Variants in EXOC4 observed in about 807,000 individuals in gnomAD.
The protein encoded by EXOC4 is SEC8-like 1.
Under a neutral mutation model 107.2 loss-of-function variants are expected in EXOC4, and 71 were observed. The ratio of observed to expected loss-of-function variants is 0.66; its 90% CI spans 0.55 to 0.81. EXOC4 has a LOEUF of 0.81. EXOC4 is among the 30% of genes least tolerant of loss of function. The pLI is 0.00. For missense variants in EXOC4, 1,108 were observed against 1,189.6 expected (o/e 0.93, Z 1.01); for synonymous variants, 456 against 441.2 (o/e 1.03, Z -0.42).
At chr7:133,888,573 A>T (rs1428579555) in intron 11 of EXOC4, among the ~76,000 whole-genome samples, 1 of 152,226 alleles carries the variant, frequency 6.6e-6, no homozygotes, top group Non-Finnish European at 1.5e-5. Context: ...TTCAGATATA[A>T]CACTGATTTG....
At chr7:133,833,899 G>C (rs1797863895) in intron 11 of EXOC4, among the ~76,000 whole-genome samples, 1 of 152,128 alleles carries the variant, frequency 6.6e-6, no homozygotes, top group Non-Finnish European at 1.5e-5. Context: ...GGCTGATTCA[G>C]CTGGGCCAGT....
intron 14 of EXOC4, among the ~76,000 whole-genome samples, chr7:133,956,120 A>G (rs1250781311): frequency 2.0e-5 from 3 of 151,978 alleles, no homozygotes; most frequent in African/African-American, 4.8e-5. Flanking sequence ...TTTAGACACT[A>G]TTGTCTCCAA....
intron 9 of EXOC4, among the ~76,000 whole-genome samples, chr7:133,511,968 A>C (rs1228317304): frequency 6.6e-6 from 1 of 152,198 alleles, no homozygotes; most frequent in African/African-American, 2.4e-5. Flanking sequence ...ACAGCGCAGC[A>C]TTCTTACTTT....
At chr7:133,467,432 CT>C (rs1037117889) in intron 7 of EXOC4, among the ~76,000 whole-genome samples, 22 of 152,072 alleles carry the variant, frequency 1.4e-4, no homozygotes, top group African/African-American at 1.9e-4. Context: ...ATTTTTGCCC[CT>C]AATCCCATTT....
intron 9 of EXOC4, among the ~76,000 whole-genome samples, chr7:133,574,126 T>G (rs1018509498): frequency 6.6e-6 from 1 of 152,208 alleles, no homozygotes; most frequent in Non-Finnish European, 1.5e-5. Context: ...ATGACTGATA[T>G]CTGATGTAAG....
chr7:133,838,050 A>T (rs1024157907), intron 11 of EXOC4, among the ~76,000 whole-genome samples: 7 of 152,164 alleles, frequency 4.6e-5, no homozygotes, highest in African/African-American at 1.7e-4. Context: ...ATTTTATAAC[A>T]TGTTTATTTT....
At chr7:133,517,022 T>G (rs1203044862) in intron 9 of EXOC4, among the ~76,000 whole-genome samples, 2 of 152,062 alleles carry the variant, frequency 1.3e-5, no homozygotes, top group Admixed American at 1.3e-4. Context: ...GGGACATAAG[T>G]ATGCCATAAC....
At chr7:133,755,110 T>C (rs1795870553) in intron 10 of EXOC4, among the ~76,000 whole-genome samples, 1 of 150,426 alleles carries the variant, frequency 6.6e-6, no homozygotes, top group East Asian at 1.9e-4. Context: ...AAATAAGTGC[T>C]AACAAATCCT....
chr7:133,695,332 C>T (rs1218130364), intron 10 of EXOC4, among the ~76,000 whole-genome samples: 1 of 152,080 alleles, frequency 6.6e-6, no homozygotes, highest in African/African-American at 2.4e-5. Flanking sequence ...AGTGATATTT[C>T]AATGTGTGCA....
intron 6 of EXOC4, among the ~76,000 whole-genome samples, chr7:133,369,238 A>G (rs561631996): frequency 6.6e-6 from 1 of 152,274 alleles, no homozygotes; most frequent in South Asian, 2.1e-4. Context: ...TATGTGAATG[A>G]TTCCTAATCT....
intron 7 of EXOC4, among the ~76,000 whole-genome samples, chr7:133,458,062 C>T (rs1259831203): frequency 6.6e-6 from 1 of 152,054 alleles, no homozygotes; most frequent in Non-Finnish European, 1.5e-5. Context: ...TAAATGTATA[C>T]CTAAAGAAAA....
At chr7:134,073,314 A>G in the EXOC4 span, among the ~76,000 whole-genome samples, 4 of 150,992 alleles carry the variant, frequency 2.6e-5, no homozygotes, top group East Asian at 7.8e-4. Flanking sequence ...GGCCCCCAGA[A>G]CCATCCATCC....
chr7:133,262,521 T>C (rs562797457), intron 1 of EXOC4, among the ~76,000 whole-genome samples: 20 of 152,344 alleles, frequency 1.3e-4, no homozygotes, highest in Non-Finnish European at 2.8e-4. Flanking sequence ...TTCTGACTTT[T>C]ATTTATTCTT....
intron 11 of EXOC4, among the ~76,000 whole-genome samples, chr7:133,832,537 A>G (rs1224652371): frequency 1.3e-5 from 2 of 152,310 alleles, no homozygotes; most frequent in South Asian, 2.1e-4. Context: ...CAGAATTTGT[A>G]TCATTGGAAT....
intron 5 of EXOC4, among the ~76,000 whole-genome samples, chr7:133,350,459 C>T (rs767832902): frequency 8.6e-5 from 13 of 151,926 alleles, no homozygotes; most frequent in South Asian, 2.1e-4. Flanking sequence ...TTGGTATTCT[C>T]GCCAAAAATC....
At position 133,537,304 on chromosome 7, in the gene EXOC4, C is replaced by CG. The variant is rs202047352; in HGVS notation, c.1417+57166_1417+57167insG. On this transcript the variant is annotated intron_variant, in intron 9 of 17. Transcript: ENST00000253861. The stretch of plus-strand genomic sequence containing the variant: ...TAGTTGGGATTACAGGCACCCCCCC[C>CG]CCCACCACACCTGACTAATTTTTTT... 7.4e-3 allele frequency among the ~76,000 whole-genome samples: 1,100 copies of CG among 149,172 alleles called. 28 individuals carry two copies. Among genetic ancestry groups the CG allele is most frequent in the African/African-American group, 0.026 (1,040 of 39,936 alleles).
At chr7:133,796,988 G>C (rs1331276547) in intron 10 of EXOC4, among the ~76,000 whole-genome samples, 1 of 152,132 alleles carries the variant, frequency 6.6e-6, no homozygotes, top group East Asian at 1.9e-4. Flanking sequence ...GTTATTATCT[G>C]ATTGGAAAAA....
At chr7:133,798,637 G>T (rs1796866452) in intron 10 of EXOC4, among the ~76,000 whole-genome samples, 1 of 152,110 alleles carries the variant, frequency 6.6e-6, no homozygotes, top group Admixed American at 6.5e-5. Context: ...TCAGAAAAGT[G>T]CCACAGTTAA....
chr7:133,439,518 A>C (rs1798058689), intron 7 of EXOC4, among the ~76,000 whole-genome samples: 2 of 152,050 alleles, frequency 1.3e-5, no homozygotes, highest in South Asian at 4.1e-4. Flanking sequence ...ATCACTTATC[A>C]GACCCCTCCC....
Sources: allele counts gnomAD v4.1 joint callset (sites outside exome capture counted in the v4.1 genomes callset), GRCh38; gene constraint gnomAD v4.1.1; transcripts MANE v1.5; gene names NCBI Gene and HGNC (gene_info 2026-07-23, HGNC 2026-07-21).